The following UGT1A8 variants were observed in gnomAD, a reference collection of about 807,000 sequenced individuals.
UGT1A8 encodes the protein UDP glucuronosyltransferase family 1 member A8, also known as UDP-glucuronosyltransferase 1A8.
In UGT1A8, 39 loss-of-function variants were observed where a neutral mutation model predicts 45.3. The ratio of observed to expected loss-of-function variants is 0.86; its 90% CI spans 0.67 to 1.12. UGT1A8 has a LOEUF of 1.12. Among genes scored for constraint, UGT1A8 ranks in the 50% most tolerant of loss-of-function variants. UGT1A8 has a pLI of 0.00. For missense variants in UGT1A8, 719 were observed against 664.9 expected (o/e 1.08, Z -0.90); for synonymous variants, 275 against 249.2 (o/e 1.10, Z -0.97).
At position 233,742,113 on chromosome 2, in the gene UGT1A8, C is replaced by T. The variant is rs368055004; in HGVS notation, c.856-24921C>T. On this transcript the variant is annotated intron_variant, in intron 1 of 4. Coordinates refer to ENST00000373450, the MANE Select transcript of UGT1A8 (RefSeq NM_019076.5). ...TTCCAGGACCCACTGCCAAGACCAGCTTGGTCGTGGAGACCCTAACCCAGC... is the reference window on the plus strand; with the variant it reads ...TTCCAGGACCCACTGCCAAGACCAGTTTGGTCGTGGAGACCCTAACCCAGC... 2.0e-4 allele frequency among the ~76,000 whole-genome samples: 30 copies of T among 151,982 alleles called. 1 individual carries two copies. The highest frequency in any genetic ancestry group is 7.0e-4 in the African/African-American group (29 of 41,250).
At position 233,637,252 on chromosome 2, in the gene UGT1A8, C is replaced by A. The variant is rs28969685; in HGVS notation, c.855+18690C>A. 2.1e-3 allele frequency: 3,366 copies of A among 1,613,958 alleles called. 78 individuals are homozygous for A. In the African/African-American group the frequency reaches 0.041, roughly 19 times the overall value. On this transcript the variant is annotated intron_variant, in intron 1 of 4. Transcript: ENST00000373450. ...CCAAACCCCTGTCACGGCATATGATCTCTACAGTCACACATCAATTTGGTT... is the reference window on the plus strand; with the variant it reads ...CCAAACCCCTGTCACGGCATATGATATCTACAGTCACACATCAATTTGGTT...
intron 1 of UGT1A8, among the ~76,000 whole-genome samples, chr2:233,627,183 GT>G (rs762139018): frequency 2.0e-5 from 3 of 151,790 alleles, no homozygotes; most frequent in East Asian, 3.9e-4. Flanking sequence ...TTTTGTTTTT[GT>G]TTTTTTCCAG....
chr2:233,712,899 G>T, intron 1 of UGT1A8: 1 of 1,608,322 alleles, frequency 6.2e-7, no homozygotes, highest in Non-Finnish European at 8.5e-7. Flanking sequence ...TGATTTGCTA[G>T]GTGTCTCAGT....
intron 1 of UGT1A8, chr2:233,748,082 C>T (rs1013967791): frequency 1.5e-5 from 25 of 1,612,926 alleles, no homozygotes; most frequent in East Asian, 6.7e-5. Context: ...TATCTCAGGT[C>T]GGTGTTCGTG....
chr2:233,660,625 T>C (rs2073943273), intron 1 of UGT1A8, among the ~76,000 whole-genome samples: 1 of 152,312 alleles, frequency 6.6e-6, no homozygotes, highest in South Asian at 2.1e-4. Context: ...ATAGATAAGG[T>C]TATTCTTAAT....
intron 1 of UGT1A8, among the ~76,000 whole-genome samples, chr2:233,638,953 G>A (rs777889832): frequency 2.0e-4 from 31 of 152,260 alleles, no homozygotes; most frequent in Admixed American, 1.0e-3. Context: ...TTTTCTCCTC[G>A]TTATCCTCCA....
chr2:233,747,590 G>A, intron 1 of UGT1A8: 3 of 1,576,970 alleles, frequency 1.9e-6, no homozygotes, highest in Non-Finnish European at 2.6e-6. Context: ...TCTTTCATAG[G>A]TCTTGTGTGG....
At chr2:233,730,838 T>G (rs2078079443) in intron 1 of UGT1A8, among the ~76,000 whole-genome samples, 1 of 152,124 alleles carries the variant, frequency 6.6e-6, no homozygotes, top group Admixed American at 6.5e-5. Context: ...CAGGAGAGGC[T>G]CATCACATCA....
At chr2:233,764,695 A>C (rs1698624140) in intron 1 of UGT1A8, among the ~76,000 whole-genome samples, 1 of 152,184 alleles carries the variant, frequency 6.6e-6, no homozygotes. Context: ...GAGCACTTGG[A>C]AATGAGCTGT....
chr2:233,663,213 A>G (rs1299095662), intron 1 of UGT1A8, among the ~76,000 whole-genome samples: 1 of 152,164 alleles, frequency 6.6e-6, no homozygotes, highest in Non-Finnish European at 1.5e-5. Context: ...AGTCAATATA[A>G]CAAGACAGGG....
rs117577813 is a variant in UGT1A8, at chr2:233,668,028, C to T, written c.855+49466C>T. ...TTCCCATATATCTTTTGCCAGTTTC[C>T]CCTATTGCTAAATGTTAGTTTACTG... is the stretch of plus-strand genomic sequence containing the variant. On this transcript the variant is annotated intron_variant, in intron 1 of 4. Transcript: ENST00000373450. Among the ~76,000 whole-genome samples the T allele has an allele frequency of 3.6e-3, 551 of 151,122 alleles. 6 individuals are homozygous for T. The East Asian group carries it at 0.044, about 12-fold the overall frequency.
intron 1 of UGT1A8, chr2:233,754,819 C>A (rs768110391): frequency 7.5e-7 from 1 of 1,334,292 alleles, no homozygotes; most frequent in Non-Finnish European, 1.0e-6. Flanking sequence ...AAACCACCCT[C>A]AAAAGCTGGA....
chr2:233,671,970 A>ATG, intron 1 of UGT1A8: 3 of 1,613,766 alleles, frequency 1.9e-6, no homozygotes, highest in Non-Finnish European at 2.5e-6. Context: ...CCCTTCCTCT[A>ATG]TGTGTGTGTC....
At chr2:233,759,897 C>T (rs1697281775) in intron 1 of UGT1A8, among the ~76,000 whole-genome samples, 1 of 152,134 alleles carries the variant, frequency 6.6e-6, no homozygotes, top group Non-Finnish European at 1.5e-5. Flanking sequence ...TTCTAAAAGG[C>T]TTTCTAAAAA....
At position 233,767,929 on chromosome 2, in the gene UGT1A8, T is replaced by A; in HGVS notation, c.1068T>A (p.Asp356Glu). 1 of 1,614,196 alleles carries A rather than the reference T, an allele frequency of 6.2e-7. No individual in the cohort carries two copies. Among genetic ancestry groups the A allele is most frequent in the South Asian group, 1.1e-5 (1 of 91,080 alleles). The change falls in exon 3 of 5, where the codon GAT becomes GAA. Residue 356 changes from aspartate to glutamate, a missense_variant. By Grantham distance (45) the Asp-to-Glu change is conservative. Coordinates refer to ENST00000373450, the MANE Select transcript of UGT1A8 (RefSeq NM_019076.5). ...TTGTTAAGTGGCTACCCCAAAACGA[T>A]CTGCTTGGTATGTTGGGCGGATTGG... ...TILVKWLPQN[D>E]LLGHPMTRAF...
In UGT1A8 at chr2:233,769,727, C is replaced by T. The variant is rs565012601; in HGVS notation, c.1295+1288C>T. The stretch of plus-strand genomic sequence containing the variant: ...AATGTTGGCTAGGCACCATGGCACA[C>T]GCCTGTAGTCCCAGCCACTCTGGAG... On this transcript the variant is annotated intron_variant, in intron 4 of 4. Transcript: ENST00000373450. This position sits in a 1 kb window ranked among gnomAD's most constrained non-coding sequence, Gnocchi z 4.4. 4.8e-4 allele frequency: 703 copies of T among 1,471,542 alleles called. 1 individual carries two copies. Among genetic ancestry groups the T allele is most frequent in the Non-Finnish European group, 5.6e-4 (625 of 1,109,932 alleles). The allele number at this position is 1,471,542 out of a possible 1,614,324, so 91.2% of individuals were successfully genotyped here. A position where few individuals can be genotyped will look rare whatever the true frequency, so the allele number is the denominator to read the frequency against.
At chr2:233,717,277 G>A (rs2076561985) in intron 1 of UGT1A8, among the ~76,000 whole-genome samples, 1 of 152,160 alleles carries the variant, frequency 6.6e-6, no homozygotes, top group African/African-American at 2.4e-5. Context: ...TTGAGAAGCT[G>A]AGATGTTGCA....
intron 1 of UGT1A8, among the ~76,000 whole-genome samples, chr2:233,702,165 C>T (rs769310963): frequency 1.3e-5 from 2 of 152,160 alleles, no homozygotes; most frequent in Non-Finnish European, 2.9e-5. Flanking sequence ...TTATCAGTCA[C>T]TCTTCTTTCT....
intron 1 of UGT1A8, chr2:233,672,420 C>T: frequency 6.2e-7 from 1 of 1,613,894 alleles, no homozygotes; most frequent in South Asian, 1.1e-5. Flanking sequence ...AATATTTCTC[C>T]CTCCCCTCCG....
Sources: allele counts gnomAD v4.1 joint callset (sites outside exome capture counted in the v4.1 genomes callset), GRCh38; gene constraint gnomAD v4.1.1; non-coding constraint Gnocchi (gnomAD v3.1); transcripts MANE v1.5; gene names NCBI Gene and HGNC (gene_info 2026-07-23, HGNC 2026-07-21).